Variants in AK6 observed in about 807,000 individuals in gnomAD.
AK6 encodes the protein adenylate kinase isoenzyme 6.
A neutral mutation model predicts 23.7 loss-of-function variants in AK6; 24 were observed. The ratio of observed to expected loss-of-function variants is 1.01; its 90% CI spans 0.73 to 1.43. AK6 has a LOEUF of 1.43. AK6 is among the 40% of genes most tolerant of loss of function. The pLI is 0.00. For synonymous variants in AK6, 73 were observed against 69.8 expected, an observed-to-expected ratio of 1.05 and a Z score of -0.23; for missense variants, 191 against 199.1, an observed-to-expected ratio of 0.96 and a Z score of 0.24.
chr5:69,363,802 G>A (rs183142130), intron 2 of AK6, among the ~76,000 whole-genome samples: 108 of 151,180 alleles, frequency 7.1e-4, no homozygotes, highest in African/African-American at 2.2e-3. Flanking sequence ...AAAAAAAAAG[G>A]AAAGGCCAGG....
chr5:69,365,500 C>G (rs1310524386), intron 2 of AK6: 2 of 1,613,800 alleles, frequency 1.2e-6, no homozygotes, highest in South Asian at 1.1e-5. Context: ...AAAGACTGAT[C>G]AGCGCGGCAC....
intron 4 of AK6, among the ~76,000 whole-genome samples, chr5:69,352,747 T>C (rs1015947368): frequency 2.0e-5 from 3 of 152,084 alleles, no homozygotes; most frequent in African/African-American, 7.2e-5. Flanking sequence ...ATATGAACAA[T>C]AACAGCTGTT....
At chr5:69,358,727 A>G (rs1384801127) in intron 2 of AK6, among the ~76,000 whole-genome samples, 3 of 152,030 alleles carry the variant, frequency 2.0e-5, no homozygotes, top group African/African-American at 4.8e-5. Context: ...TCAAATTTCA[A>G]AAAAAGAATA....
chr5:69,366,403 C>G, intron 2 of AK6, 100 bp downstream of exon 2: 2 of 862,280 alleles, frequency 2.3e-6, no homozygotes, highest in Non-Finnish European at 3.7e-6. Flanking sequence ...TAATGGCAAT[C>G]TCTGTTTTTT....
chr5:69,368,339 A>G (rs1429838972), intron 1 of AK6, among the ~76,000 whole-genome samples: 2 of 152,214 alleles, frequency 1.3e-5, no homozygotes, highest in Admixed American at 1.3e-4. Flanking sequence ...ATTAAACTTA[A>G]GCATAAAGAT....
chr5:69,364,242 C>T (rs570390834), intron 2 of AK6, among the ~76,000 whole-genome samples: 2 of 150,948 alleles, frequency 1.3e-5, no homozygotes, highest in South Asian at 4.2e-4. Flanking sequence ...AACACTATAA[C>T]CTAATTATCA....
chr5:69,362,135 G>A (rs907261039), intron 2 of AK6, among the ~76,000 whole-genome samples: 7 of 151,762 alleles, frequency 4.6e-5, no homozygotes, highest in Non-Finnish European at 7.4e-5. Flanking sequence ...AGTGAGCATC[G>A]GAATAAGCCT....
chr5:69,355,542 A>G (rs2150730357), intron 4 of AK6, 107 bp downstream of exon 4: 1 of 1,293,996 alleles, frequency 7.7e-7, no homozygotes, highest in East Asian at 2.5e-5. Flanking sequence ...AAAACAAAAC[A>G]AAACAAAACA....
intron 2 of AK6, among the ~76,000 whole-genome samples, chr5:69,358,933 A>T (rs1396609690): frequency 6.6e-6 from 1 of 152,050 alleles, no homozygotes; most frequent in Non-Finnish European, 1.5e-5. Flanking sequence ...GCAGAAAAAA[A>T]ATCAATTGTG....
intron 1 of AK6, 169 bp downstream of exon 1, chr5:69,369,294 C>T (rs954118188): frequency 2.6e-5 from 16 of 614,572 alleles, no homozygotes; most frequent in Non-Finnish European, 3.8e-5. Flanking sequence ...TCCCTCGCCT[C>T]CCGCAACGCC....
chr5:69,353,095 A>C (rs905444872), intron 4 of AK6, among the ~76,000 whole-genome samples: 3 of 152,242 alleles, frequency 2.0e-5, no homozygotes, highest in African/African-American at 7.2e-5. Flanking sequence ...TCTATGATAC[A>C]ATATGAATGA....
At chr5:69,363,183 A>C (rs1281116256) in intron 2 of AK6, among the ~76,000 whole-genome samples, 1 of 151,052 alleles carries the variant, frequency 6.6e-6, no homozygotes, top group Admixed American at 6.6e-5. Flanking sequence ...AGCTATGATC[A>C]GGCCACCACA....
chr5:69,352,271 T>G lies in AK6; in HGVS notation c.327-18A>C, dbSNP rs1761967448. ...TATAACCCCTAGAAGGCAGGGAGGT[T>G]AAGCAAACAAGAAGCAAAATAAATG... On this transcript the variant is annotated intron_variant, in intron 4 of 4. Coordinates refer to ENST00000380822, the MANE Select transcript of AK6 (RefSeq NM_016283.5). 3 of 1,587,592 alleles carry G rather than the reference T, an allele frequency of 1.9e-6. No homozygotes were observed. The highest frequency in any genetic ancestry group is 1.7e-6 in the Non-Finnish European group (2 of 1,165,840).
chr5:69,366,352 C>T, intron 2 of AK6, 151 bp downstream of exon 2: 1 of 625,422 alleles, frequency 1.6e-6, no homozygotes, highest in Non-Finnish European at 2.8e-6. Flanking sequence ...GCATTAGACA[C>T]TTAATATTTC....
intron 2 of AK6, chr5:69,365,236 G>C: frequency 6.2e-7 from 1 of 1,614,230 alleles, no homozygotes; most frequent in Non-Finnish European, 8.5e-7. Context: ...GACATGGTCT[G>C]TGGGGTTGGT....
At chr5:69,369,634 C>A (rs1762786470), upstream of AK6, 1 of 1,565,808 alleles carries the variant, frequency 6.4e-7, no homozygotes, top group Non-Finnish European at 8.7e-7. Context: ...GCCCCGGCGG[C>A]CCAGCCGCGG....
In AK6 at chr5:69,365,379, T is replaced by C. The variant is rs768322151; in HGVS notation, c.121+1124A>G. 9.9e-6 allele frequency: 16 copies of C among 1,614,126 alleles called. No individual in the cohort carries two copies. The South Asian group carries it at 1.6e-4, about 17-fold the overall frequency. On this transcript the variant is annotated intron_variant, in intron 2 of 4. Coordinates refer to ENST00000380822, the MANE Select transcript of AK6 (RefSeq NM_016283.5). Reference sequence around the variant, plus strand: ...CCTATAGTTTGGAGCTGTTAAGCAGTATCTATCAGGTGGCAACCTAGGACC... The same window carrying C: ...CCTATAGTTTGGAGCTGTTAAGCAGCATCTATCAGGTGGCAACCTAGGACC...
intron 2 of AK6, among the ~76,000 whole-genome samples, chr5:69,361,050 T>TAA (rs1762220360): frequency 6.6e-6 from 1 of 152,102 alleles, no homozygotes; most frequent in Non-Finnish European, 1.5e-5. Flanking sequence ...AGGATGCTAG[T>TAA]AAGAGTATAA....
chr5:69,352,484 C>CA (rs58289981), intron 4 of AK6, among the ~76,000 whole-genome samples: 11 of 151,952 alleles, frequency 7.2e-5, no homozygotes, highest in Non-Finnish European at 1.2e-4. Context: ...TTCCCCCCCC[C>CA]ACAATTTGTC....
Sources: allele counts gnomAD v4.1 joint callset (sites outside exome capture counted in the v4.1 genomes callset), GRCh38; gene constraint gnomAD v4.1.1; transcripts MANE v1.5; gene names NCBI Gene and HGNC (gene_info 2026-07-23, HGNC 2026-07-21).